PRKAA1: variants seen among roughly 807,000 people sequenced by gnomAD.
PRKAA1 encodes protein kinase AMP-activated catalytic subunit alpha 1, also known as 5'-AMP-activated protein kinase catalytic subunit alpha-1.
PRKAA1 carries 23 observed loss-of-function variants against 56.9 expected under a neutral mutation model. The observed-to-expected ratio is 0.40, with a 90% CI of 0.29 to 0.57. PRKAA1 has a LOEUF of 0.57. Ranked by LOEUF, PRKAA1 falls within the 20% of genes least tolerant of loss-of-function variation. The pLI is 0.39. For synonymous variants in PRKAA1, 226 were observed against 227.0 expected (o/e 1.00, Z 0.04); for missense variants, 413 against 679.7 (o/e 0.61, Z 4.36).
At chr5:40,790,525 C>CTCTTTTTTTTTTT (rs546238399) in intron 1 of PRKAA1, among the ~76,000 whole-genome samples, 8 of 111,966 alleles carry the variant, frequency 7.1e-5, no homozygotes, top group Non-Finnish European at 8.9e-5. Context: ...TCAACTCTTT[C>CTCTTTTTTTTTTT]TTTTTTTTTT....
Position 40,798,210 on chromosome 5 carries a change from A to T in PRKAA1, c.-21T>A. ...CGCATGGCGCTGCGGGAGGGGGCGGAGGGGGCGGGCAGGGCCGCGCCGGGG... is the reference window on the plus strand; with the variant it reads ...CGCATGGCGCTGCGGGAGGGGGCGGTGGGGGCGGGCAGGGCCGCGCCGGGG... On this transcript the variant is annotated 5_prime_UTR_variant, in exon 1 of 9. Transcript: ENST00000397128. 2.2e-4 allele frequency: 30 copies of T among 135,496 alleles called. No individual in the cohort carries two copies. The highest frequency in any genetic ancestry group is 3.9e-4 in the Non-Finnish European group (28 of 72,376). 8.4% of individuals were successfully genotyped at this position (135,496 alleles called of 1,614,324 possible). A position where few individuals can be genotyped will look rare whatever the true frequency, so the allele number is the denominator to read the frequency against.
At chr5:40,783,001 T>A (rs1029138989) in intron 1 of PRKAA1, among the ~76,000 whole-genome samples, 1 of 152,148 alleles carries the variant, frequency 6.6e-6, no homozygotes, top group African/African-American at 2.4e-5. Context: ...CCTTTTGAAG[T>A]AATAGAAGAA....
intron 7 of PRKAA1, 48 bp from the exon 8 acceptor site, chr5:40,764,688 A>G: frequency 6.2e-7 from 1 of 1,605,156 alleles, no homozygotes; most frequent in East Asian, 2.2e-5. Flanking sequence ...TTCTTCTATA[A>G]AACATTTTAT....
rs1354154973 is a variant in PRKAA1, at chr5:40,767,408, C to A, written c.821+58G>T. 2.7e-5 allele frequency: 38 copies of A among 1,404,532 alleles called. No homozygotes were observed. The South Asian group carries it at 4.7e-4, about 17-fold the overall frequency. 87.0% of individuals were successfully genotyped at this position (1,404,532 alleles called of 1,614,324 possible). ...TTCTGTTCTGCAACTTTTTTTTTTT[C>A]ACATAACTTTTATCATGGATACTAT... On this transcript the variant is annotated intron_variant, in intron 6 of 8. Coordinates refer to ENST00000397128, the MANE Select transcript of PRKAA1 (RefSeq NM_006251.6).
chr5:40,768,524 G>C, intron 5 of PRKAA1: 5 of 956,704 alleles, frequency 5.2e-6, no homozygotes, highest in Non-Finnish European at 6.2e-6. Context: ...TTGACATTAA[G>C]TTAATATTTA....
intron 4 of PRKAA1, among the ~76,000 whole-genome samples, chr5:40,770,271 T>C (rs1408697974): frequency 1.3e-5 from 2 of 152,136 alleles, no homozygotes; most frequent in African/African-American, 4.8e-5. Flanking sequence ...GAGTCCGGCC[T>C]GGCCAACATA....
chr5:40,776,784 T>G (rs1427540759), intron 2 of PRKAA1, among the ~76,000 whole-genome samples: 1 of 152,200 alleles, frequency 6.6e-6, no homozygotes, highest in African/African-American at 2.4e-5. Flanking sequence ...ACTACCGCAT[T>G]CTCACTAGTG....
chr5:40,795,008 TAC>T (rs201435537), intron 1 of PRKAA1, among the ~76,000 whole-genome samples: 38,077 of 149,842 alleles, frequency 0.25, 5,133 homozygotes, highest in East Asian at 0.46. Context: ...TACATATATA[TAC>T]ACACACACAC....
chr5:40,773,876 G>A, intron 3 of PRKAA1, among the ~76,000 whole-genome samples: 1 of 152,156 alleles, frequency 6.6e-6, no homozygotes, highest in Non-Finnish European at 1.5e-5. Context: ...AGGACACCAA[G>A]GCAGGGATAA....
intron 4 of PRKAA1, 106 bp downstream of exon 4, chr5:40,771,613 T>C (rs1743751168): frequency 8.9e-7 from 1 of 1,127,594 alleles, no homozygotes; most frequent in Non-Finnish European, 1.3e-6. Context: ...ACTCAGTCTA[T>C]TACTTTATGT....
chr5:40,767,690 T>C lies in PRKAA1; in HGVS notation c.597A>G (p.Arg199=), dbSNP rs1466303120. 3 of 1,591,866 alleles carry C rather than the reference T, an allele frequency of 1.9e-6. No homozygotes were observed. The highest frequency in any genetic ancestry group is 2.7e-5 in the African/African-American group (2 of 74,214). Residue 199 remains arginine, a splice_region_variant and synonymous_variant, in exon 6 of 9, where the codon AGA becomes AGG. Transcript: ENST00000397128. ...NYAAPEVISG[R]LYAGPEVDIW... ...TATCTACCTCTGGGCCTGCATACAA[T>C]CTGTAACAGGAAATAACAATTGGAT... is the stretch of plus-strand genomic sequence containing the variant.
chr5:40,765,358 C>T, intron 6 of PRKAA1, 120 bp from the exon 7 acceptor site: 1 of 1,175,096 alleles, frequency 8.5e-7, no homozygotes. Context: ...GTATTATTGT[C>T]ACTTTTTGCA....
rs567650373 is a variant in PRKAA1, at chr5:40,761,473, T to A, written c.*1305A>T. The A allele has an allele frequency of 6.6e-5, 10 of 152,212 alleles. No individual in the cohort carries two copies. Among genetic ancestry groups the A allele is most frequent in the Non-Finnish European group, 1.2e-4 (8 of 68,016 alleles). The allele number at this position is 152,212 out of a possible 1,614,324, so 9.4% of individuals were successfully genotyped here. On this transcript the variant is annotated 3_prime_UTR_variant, in exon 9 of 9. Transcript: ENST00000397128. The stretch of plus-strand genomic sequence containing the variant: ...ATGCATATATATGCATAACTAGCTG[T>A]ATCTATACATATATAGGTATAGAGA...
intron 1 of PRKAA1, among the ~76,000 whole-genome samples, chr5:40,787,524 A>G (rs546721477): frequency 5.1e-4 from 77 of 152,166 alleles, no homozygotes; most frequent in African/African-American, 1.8e-3. Flanking sequence ...AAAGATACAA[A>G]TTATTTTTTA....
intron 1 of PRKAA1, among the ~76,000 whole-genome samples, chr5:40,791,638 CT>C (rs1744721986): frequency 6.6e-6 from 1 of 152,186 alleles, no homozygotes; most frequent in Admixed American, 6.5e-5. Flanking sequence ...TTCATTCCCA[CT>C]TTAAAATTGA....
intron 1 of PRKAA1, among the ~76,000 whole-genome samples, chr5:40,784,986 A>T (rs1467535341): frequency 6.6e-6 from 1 of 152,232 alleles, no homozygotes; most frequent in African/African-American, 2.4e-5. Flanking sequence ...TAAACATATC[A>T]GAGAAATTCT....
intron 6 of PRKAA1, among the ~76,000 whole-genome samples, chr5:40,766,550 C>A (rs1417210815): frequency 6.6e-6 from 1 of 152,050 alleles, no homozygotes; most frequent in African/African-American, 2.4e-5. Flanking sequence ...CTGACTTTTA[C>A]CTACAAAACA....
chr5:40,791,021 C>T (rs908248524), intron 1 of PRKAA1, among the ~76,000 whole-genome samples: 48 of 152,142 alleles, frequency 3.2e-4, no homozygotes, highest in African/African-American at 1.1e-3. Flanking sequence ...ACAGGTCTTC[C>T]GACTCCCAAG....
chr5:40,761,273 C>T lies in PRKAA1; in HGVS notation c.*1505G>A, dbSNP rs771680417. ...GTTAACTTCAGAAATTTAAATATGG[C>T]TTGATTAGATGATATTGGGGAATTA... On this transcript the variant is annotated 3_prime_UTR_variant, in exon 9 of 9. Transcript: ENST00000397128. 3.9e-5 allele frequency: 6 copies of T among 151,952 alleles called. No individual in the cohort carries two copies. The highest frequency in any genetic ancestry group is 5.9e-5 in the Non-Finnish European group (4 of 67,970). The allele number at this position is 151,952 out of a possible 1,614,324, so 9.4% of individuals were successfully genotyped here.
Sources: allele counts gnomAD v4.1 joint callset (sites outside exome capture counted in the v4.1 genomes callset), GRCh38; gene constraint gnomAD v4.1.1; transcripts MANE v1.5; gene names NCBI Gene and HGNC (gene_info 2026-07-23, HGNC 2026-07-21).